Variants in ZNF138 observed in about 807,000 individuals in gnomAD.
ZNF138 encodes the protein zinc finger protein 138, also known as zinc finger protein 138 (clone pHZ-32).
A neutral mutation model predicts 33.0 loss-of-function variants in ZNF138; 33 were observed. That is an observed-to-expected ratio of 1.00 (90% CI 0.76 to 1.34). ZNF138 has a LOEUF of 1.34. ZNF138 is among the 40% of genes most tolerant of loss of function. The pLI, the probability that ZNF138 is intolerant of heterozygous loss-of-function variation, is 0.00. For missense variants in ZNF138, 360 were observed against 370.8 expected (o/e 0.97, Z 0.24); for synonymous variants, 139 against 120.4 (o/e 1.15, Z -1.01).
chr7:64,846,625 C>T, the ZNF138 span, among the ~76,000 whole-genome samples: 1 of 152,094 alleles, frequency 6.6e-6, no homozygotes, highest in Non-Finnish European at 1.5e-5. Flanking sequence ...TATTGTGAAG[C>T]TTTGCTGAAT....
intron 1 of ZNF138, among the ~76,000 whole-genome samples, chr7:64,802,373 T>G (rs1787203138): frequency 6.6e-6 from 1 of 152,174 alleles, no homozygotes; most frequent in Non-Finnish European, 1.5e-5. Context: ...TGGCTCTTAG[T>G]TGATTGATTA....
intron 1 of ZNF138, among the ~76,000 whole-genome samples, chr7:64,813,129 C>T (rs1788316421): frequency 6.6e-6 from 1 of 152,062 alleles, no homozygotes; most frequent in East Asian, 1.9e-4. Flanking sequence ...TAACCTGCAA[C>T]ATTAAAAATG....
At chr7:64,843,507 A>G in the ZNF138 span, among the ~76,000 whole-genome samples, 1 of 152,130 alleles carries the variant, frequency 6.6e-6, no homozygotes, top group Non-Finnish European at 1.5e-5. Context: ...AAGTTGATAT[A>G]GTTTTTTTTG....
chr7:64,814,563 G>A (rs1479530373), intron 1 of ZNF138, among the ~76,000 whole-genome samples: 2 of 152,006 alleles, frequency 1.3e-5, no homozygotes, highest in Admixed American at 6.6e-5. Context: ...TCAGGAGTTC[G>A]AGACCAGCCT....
In ZNF138 at chr7:64,832,614, C is replaced by T; in HGVS notation, c.*412C>T. ...TGAAGAATGTGGCAAAGCTTTTAAC[C>T]AGTCCTCACACCTTATGAGACATAA... On this transcript the variant is annotated 3_prime_UTR_variant, in exon 4 of 4. Transcript: ENST00000307355. 4.0e-6 allele frequency: 2 copies of T among 496,322 alleles called. No individual in the cohort carries two copies. The highest frequency in any genetic ancestry group is 7.8e-6 in the Non-Finnish European group (2 of 257,204). 30.7% of individuals were successfully genotyped at this position (496,322 alleles called of 1,614,324 possible).
the ZNF138 span, among the ~76,000 whole-genome samples, chr7:64,854,787 G>A: frequency 2.0e-5 from 3 of 152,156 alleles, no homozygotes; most frequent in South Asian, 6.2e-4. Flanking sequence ...TAAAATCCTG[G>A]CTAAAGGATT....
intron 1 of ZNF138, among the ~76,000 whole-genome samples, chr7:64,799,599 T>G (rs1786977016): frequency 1.3e-5 from 2 of 152,102 alleles, no homozygotes; most frequent in Non-Finnish European, 2.9e-5. Context: ...GGATGTTTTA[T>G]TATTTTTGTG....
chr7:64,797,565 C>T (rs867349923), intron 1 of ZNF138, among the ~76,000 whole-genome samples: 11 of 152,192 alleles, frequency 7.2e-5, no homozygotes, highest in African/African-American at 2.2e-4. Context: ...GCCTCCCCTG[C>T]GGATGTCGGA....
chr7:64,807,378 C>A (rs10155953), intron 1 of ZNF138, among the ~76,000 whole-genome samples: 1 of 152,016 alleles, frequency 6.6e-6, no homozygotes, highest in East Asian at 1.9e-4. Flanking sequence ...CTAATCAAAG[C>A]GCAGATTTCA....
At chr7:64,839,610 G>A in the ZNF138 span, among the ~76,000 whole-genome samples, 42,182 of 152,018 alleles carry the variant, frequency 0.28, 7,172 homozygotes, top group Non-Finnish European at 0.37. Flanking sequence ...AAAAAGGAGG[G>A]GTACTCACCC....
chr7:64,820,454 C>A (rs1789036819), intron 3 of ZNF138, among the ~76,000 whole-genome samples: 1 of 151,698 alleles, frequency 6.6e-6, no homozygotes, highest in South Asian at 2.1e-4. Context: ...TTGCTTCAGC[C>A]TTCCAGCTTT....
In ZNF138 at chr7:64,806,852, CTG is replaced by C. The variant is rs376357084; in HGVS notation, c.4-8064_4-8063del. Reference sequence around the variant, plus strand: ...TCTGGCAACCTTTTATCAGCCCACTCTGTTGTTGGGAACAGGCTCCCCAAAAT... The same window carrying C: ...TCTGGCAACCTTTTATCAGCCCACTCTTGTTGGGAACAGGCTCCCCAAAAT... On this transcript the variant is annotated intron_variant, in intron 1 of 3. Transcript: ENST00000307355. Among the ~76,000 whole-genome samples, 154 of 152,332 alleles carry C rather than the reference CTG, an allele frequency of 1.0e-3. 1 individual carries two copies. The highest frequency in any genetic ancestry group is 3.1e-3 in the African/African-American group (127 of 41,580).
At chr7:64,838,670 G>C (rs1338488584), downstream of ZNF138, among the ~76,000 whole-genome samples, 3 of 152,156 alleles carry the variant, frequency 2.0e-5, no homozygotes, top group African/African-American at 7.2e-5. Flanking sequence ...GCCTCATCCA[G>C]GATTAGCGGA....
intron 1 of ZNF138, among the ~76,000 whole-genome samples, chr7:64,796,258 G>A (rs760123170): frequency 3.3e-5 from 5 of 152,220 alleles, no homozygotes; most frequent in Non-Finnish European, 7.3e-5. Flanking sequence ...ACTTGGGGCA[G>A]TCACTGAGGC....
the ZNF138 span, chr7:64,852,867 CT>C: frequency 3.4e-6 from 3 of 882,710 alleles, no homozygotes; most frequent in Non-Finnish European, 5.9e-6. Flanking sequence ...GGGTTTAGTA[CT>C]GTTTGGCCGC....
chr7:64,852,523 T>G, the ZNF138 span: 11 of 1,573,318 alleles, frequency 7.0e-6, no homozygotes, highest in Non-Finnish European at 8.7e-6. Flanking sequence ...TAATCCATGC[T>G]TGGTGGTCTT....
At chr7:64,829,749 A>G (rs965232418) in intron 3 of ZNF138, among the ~76,000 whole-genome samples, 1 of 151,790 alleles carries the variant, frequency 6.6e-6, no homozygotes, top group Non-Finnish European at 1.5e-5. Context: ...TGTTTTCTGC[A>G]CTATTATGAT....
At chr7:64,842,739 G>A in the ZNF138 span, among the ~76,000 whole-genome samples, 1 of 152,076 alleles carries the variant, frequency 6.6e-6, no homozygotes, top group South Asian at 2.1e-4. Flanking sequence ...AAGTAAATGT[G>A]TATTTATTTT....
At chr7:64,798,717 G>T (rs2128983907) in intron 1 of ZNF138, among the ~76,000 whole-genome samples, 1 of 151,252 alleles carries the variant, frequency 6.6e-6, no homozygotes, top group South Asian at 2.1e-4. Context: ...GGCGGAGGTT[G>T]TGGTGAGCCG....
Sources: gnomAD v4.1 joint callset for allele counts (sites outside exome capture counted in the v4.1 genomes callset) on GRCh38, gnomAD v4.1.1 for gene constraint, MANE v1.5 for transcripts, NCBI Gene and HGNC (gene_info 2026-07-23, HGNC 2026-07-21) for gene names.